Variants in SLC22A23 observed in about 807,000 individuals in gnomAD.
The protein encoded by SLC22A23 is ion transporter protein.
A neutral mutation model predicts 61.0 loss-of-function variants in SLC22A23; 26 were observed. The observed-to-expected ratio is 0.43, with a 90% confidence interval of 0.31 to 0.59. The LOEUF (loss-of-function observed/expected upper bound fraction) is 0.59, where lower values mean the gene tolerates loss of function less well. Among genes scored for constraint, SLC22A23 ranks in the 20% least tolerant of loss-of-function variants. The probability of loss-of-function intolerance (pLI) is 0.11; values close to 1 mark genes in which losing one functional copy is unlikely to be tolerated. For synonymous variants in SLC22A23, 430 were observed against 413.9 expected (o/e 1.04, Z -0.47); for missense variants, 796 against 934.7 (o/e 0.85, Z 1.94).
At chr6:3,280,918 C>T (rs993493387) in intron 9 of SLC22A23, among the ~76,000 whole-genome samples, 3 of 152,062 alleles carry the variant, frequency 2.0e-5, no homozygotes, top group Admixed American at 6.5e-5. Flanking sequence ...GTCAGGGAGT[C>T]GTCAGTCAGG....
chr6:3,282,350 C>T (rs1162988814), intron 9 of SLC22A23: 1 of 701,626 alleles, frequency 1.4e-6, no homozygotes, highest in African/African-American at 1.7e-5. Context: ...GGATGAGTTC[C>T]TTGTGCTTAA....
At chr6:3,447,342 A>G (rs1353079622) in intron 1 of SLC22A23, among the ~76,000 whole-genome samples, 1 of 152,156 alleles carries the variant, frequency 6.6e-6, no homozygotes, top group Non-Finnish European at 1.5e-5. Flanking sequence ...TGTCTAGGTC[A>G]GGGTTTTGTT....
At chr6:3,319,836 A>G (rs1001620332) in intron 4 of SLC22A23, among the ~76,000 whole-genome samples, 1 of 152,184 alleles carries the variant, frequency 6.6e-6, no homozygotes, top group African/African-American at 2.4e-5. Flanking sequence ...TGGTTCTCAC[A>G]TTGATATCTC....
At chr6:3,287,343 G>A (rs1190764200) in intron 6 of SLC22A23, among the ~76,000 whole-genome samples, 1 of 152,212 alleles carries the variant, frequency 6.6e-6, no homozygotes, top group Non-Finnish European at 1.5e-5. Context: ...TTAATAGACA[G>A]GTGTGGGCAC....
At chr6:3,273,507 G>A (rs561060331) in intron 9 of SLC22A23, 95 bp from the exon 10 acceptor site, 5 of 1,380,012 alleles carry the variant, frequency 3.6e-6, no homozygotes, top group Non-Finnish European at 5.0e-6. Context: ...CCTCTGCAGG[G>A]GCCCTGCTGC....
intron 5 of SLC22A23, among the ~76,000 whole-genome samples, chr6:3,296,164 G>A (rs1761070132): frequency 6.6e-6 from 1 of 152,246 alleles, no homozygotes; most frequent in South Asian, 2.1e-4. Context: ...GCTAACGAGT[G>A]AGGTCTGGGG....
chr6:3,291,200 G>C (rs1485182793), intron 5 of SLC22A23: 2 of 152,136 alleles, frequency 1.3e-5, no homozygotes, highest in African/African-American at 4.8e-5. Flanking sequence ...TGCTCCCTCG[G>C]GGGCTGTGTC....
rs1767568797 is a variant in SLC22A23 at position 3,390,076 on chromosome 6, C to T, written c.913+20112G>A. On this transcript the variant is annotated intron_variant, in intron 3 of 9. Coordinates refer to ENST00000406686, the MANE Select transcript of SLC22A23 (RefSeq NM_015482.2). This position sits in a 1 kb window ranked among gnomAD's most constrained non-coding sequence, Gnocchi z 4.0. ...AATGAACAGAGTTCTCCTGGCACGG[C>T]ATCACTGGGCCAGTTGCCACCATCC... 1.3e-5 allele frequency among the ~76,000 whole-genome samples: 2 copies of T among 152,198 alleles called. No individual in the cohort carries two copies. The highest frequency in any genetic ancestry group is 3.9e-4 in the East Asian group (2 of 5,190).
At chr6:3,314,657 A>T (rs1168525540) in intron 4 of SLC22A23, among the ~76,000 whole-genome samples, 34 of 151,850 alleles carry the variant, frequency 2.2e-4, no homozygotes, top group Admixed American at 2.2e-3. Flanking sequence ...ACATATTGGA[A>T]TTTTTTTTTA....
At position 3,414,721 on chromosome 6, in the gene SLC22A23, CAA is replaced by C. The variant is rs60880355; in HGVS notation, c.758+1029_758+1030del. On this transcript the variant is annotated intron_variant, in intron 2 of 9. Coordinates refer to ENST00000406686, the MANE Select transcript of SLC22A23 (RefSeq NM_015482.2). This position sits in a 1 kb window ranked among gnomAD's most constrained non-coding sequence, Gnocchi z 5.1. ...TCAAGGCCAAGATGTCTCGATTCAC[CAA>C]AAAAAAAAAAAAAAAAAAAAATCCT... 0.032 allele frequency among the ~76,000 whole-genome samples: 2,839 copies of C among 89,448 alleles called. 120 individuals are homozygous for C. Among genetic ancestry groups the C allele is most frequent in the African/African-American group, 0.12 (2,642 of 22,784 alleles). 58.7% of individuals were successfully genotyped at this position (89,448 alleles called of 152,430 possible). A position where few individuals can be genotyped will look rare whatever the true frequency, so the allele number is the denominator to read the frequency against.
rs970032539 is a variant in SLC22A23, at chr6:3,322,425, C to T, written c.1082+1409G>A. Among the ~76,000 whole-genome samples, 21 of 152,214 alleles carry T rather than the reference C, an allele frequency of 1.4e-4. No individual in the cohort carries two copies. Among genetic ancestry groups the T allele is most frequent in the African/African-American group, 4.3e-4 (18 of 41,434 alleles). ...TCCAGGGAAACTATTGCTCATTCTCCGCTCCTTAAGGCCCTGTTGGGGCAC... is the reference window on the plus strand; with the variant it reads ...TCCAGGGAAACTATTGCTCATTCTCTGCTCCTTAAGGCCCTGTTGGGGCAC... On this transcript the variant is annotated intron_variant, in intron 4 of 9. Transcript: ENST00000406686. This position sits in a 1 kb window ranked among gnomAD's most constrained non-coding sequence, Gnocchi z 4.1.
At chr6:3,277,942 G>C (rs1457680591) in intron 9 of SLC22A23, among the ~76,000 whole-genome samples, 1 of 152,234 alleles carries the variant, frequency 6.6e-6, no homozygotes, top group African/African-American at 2.4e-5. Flanking sequence ...CCTTGTGACT[G>C]TGGTCCCTAT....
intron 1 of SLC22A23, among the ~76,000 whole-genome samples, chr6:3,419,903 T>A (rs1289647458): frequency 6.6e-6 from 1 of 152,198 alleles, no homozygotes; most frequent in East Asian, 1.9e-4. Context: ...CAAGTCACCA[T>A]CCATCCTCCC....
At chr6:3,436,588 A>G (rs1323036408) in intron 1 of SLC22A23, among the ~76,000 whole-genome samples, 1 of 152,092 alleles carries the variant, frequency 6.6e-6, no homozygotes, top group Non-Finnish European at 1.5e-5. Flanking sequence ...TTCCCGTTAC[A>G]GGGCGCACAT....
At position 3,289,878 on chromosome 6, in the gene SLC22A23, C is replaced by T. The variant is rs1273865308; in HGVS notation, c.1211-12G>A. ...CTCTTTCTCCAGCTCTGCAAAGAAA[C>T]AGACCCTGTGAGCCCTGGGCAGGCC... On this transcript the variant is annotated splice_polypyrimidine_tract_variant and intron_variant, in intron 5 of 9. Transcript: ENST00000406686. 2 of 1,612,186 alleles carry T rather than the reference C, an allele frequency of 1.2e-6. No individual in the cohort carries two copies. Among genetic ancestry groups the T allele is most frequent in the South Asian group, 1.1e-5 (1 of 90,708 alleles).
intron 9 of SLC22A23, among the ~76,000 whole-genome samples, chr6:3,276,441 C>T (rs1758911145): frequency 6.6e-6 from 1 of 152,250 alleles, no homozygotes; most frequent in Non-Finnish European, 1.5e-5. Context: ...TTTGTTTCCT[C>T]ACCATTGCCA....
intron 3 of SLC22A23, among the ~76,000 whole-genome samples, chr6:3,402,623 C>T (rs894632562): frequency 2.6e-5 from 4 of 152,228 alleles, no homozygotes; most frequent in African/African-American, 9.6e-5. Flanking sequence ...ACCCAGAGTA[C>T]ACTAGGCTCT....
Position 3,280,786 on chromosome 6 carries a change from G to A in SLC22A23, c.1703+3066C>T, listed in dbSNP as rs111998406. Among the ~76,000 whole-genome samples, 260 of 152,244 alleles carry A rather than the reference G, an allele frequency of 1.7e-3. 1 individual carries two copies. The highest frequency in any genetic ancestry group is 2.5e-3 in the Non-Finnish European group (173 of 68,016). On this transcript the variant is annotated intron_variant, in intron 9 of 9. Coordinates refer to ENST00000406686, the MANE Select transcript of SLC22A23 (RefSeq NM_015482.2). ...GCTGGGATTACAGGCGTGAGCCACC[G>A]TGCCCGGCCTTTAAGATACAACTTT... is the stretch of plus-strand genomic sequence containing the variant.
chr6:3,396,293 TG>T (rs1384043726), intron 3 of SLC22A23, among the ~76,000 whole-genome samples: 1 of 152,210 alleles, frequency 6.6e-6, no homozygotes, highest in East Asian at 1.9e-4. Flanking sequence ...CCAGGTGCAG[TG>T]GCTTATGCCT....
Sources: allele counts gnomAD v4.1 joint callset (sites outside exome capture counted in the v4.1 genomes callset), GRCh38; gene constraint gnomAD v4.1.1; non-coding constraint Gnocchi (gnomAD v3.1); transcripts MANE v1.5; gene names NCBI Gene and HGNC (gene_info 2026-07-23, HGNC 2026-07-21).